FAM151B: variants seen among roughly 807,000 people sequenced by gnomAD.
The protein encoded by FAM151B is family with sequence similarity 151 member B.
A neutral mutation model predicts 31.2 loss-of-function variants in FAM151B; 24 were observed. The ratio of observed to expected loss-of-function variants is 0.77; its 90% CI spans 0.56 to 1.08. FAM151B has a LOEUF of 1.08. Among genes scored for constraint, FAM151B ranks in the 50% least tolerant of loss-of-function variants. The pLI, the probability that FAM151B is intolerant of heterozygous loss-of-function variation, is 0.00. For missense variants in FAM151B, 293 were observed against 328.6 expected (o/e 0.89, Z 0.84); for synonymous variants, 105 against 111.4 (o/e 0.94, Z 0.36).
intron 5 of FAM151B, among the ~76,000 whole-genome samples, chr5:80,540,929 A>T (rs959195312): frequency 2.6e-5 from 4 of 152,112 alleles, no homozygotes; most frequent in African/African-American, 9.7e-5. Context: ...ATGCTTTGGA[A>T]ATTTTCCCTG....
intron 5 of FAM151B, among the ~76,000 whole-genome samples, chr5:80,532,882 T>C (rs1434441944): frequency 3.3e-5 from 5 of 152,144 alleles, no homozygotes; most frequent in Non-Finnish European, 5.9e-5. Flanking sequence ...AATTAAACTA[T>C]ATGCTCCTGA....
intron 4 of FAM151B, among the ~76,000 whole-genome samples, chr5:80,520,686 G>A (rs955165452): frequency 1.4e-5 from 2 of 139,086 alleles, no homozygotes; most frequent in South Asian, 2.3e-4. Context: ...ATATGTGTGT[G>A]TATATATATA....
At chr5:80,491,936 A>G (rs1341025031) in intron 1 of FAM151B, among the ~76,000 whole-genome samples, 1 of 152,202 alleles carries the variant, frequency 6.6e-6, no homozygotes, top group Non-Finnish European at 1.5e-5. Flanking sequence ...AGAACCAGAA[A>G]TTAAATTTTG....
intron 4 of FAM151B, among the ~76,000 whole-genome samples, chr5:80,521,251 A>G (rs1744703049): frequency 6.6e-6 from 1 of 150,496 alleles, no homozygotes; most frequent in South Asian, 2.1e-4. Flanking sequence ...CAGCCTCCAG[A>G]GTAGCTGAGA....
chr5:80,501,465 GAA>G (rs34586243), intron 1 of FAM151B: 2,894 of 85,288 alleles, frequency 0.034, 2 homozygotes, highest in South Asian at 0.095. Context: ...CTCTCAAATT[GAA>G]AAAAAAAAAA....
chr5:80,526,002 G>C (rs1407880505), intron 5 of FAM151B, among the ~76,000 whole-genome samples: 1 of 151,730 alleles, frequency 6.6e-6, no homozygotes, highest in Admixed American at 6.6e-5. Context: ...TATATATGAA[G>C]GCTATAGATT....
chr5:80,515,501 C>T (rs75198420), intron 3 of FAM151B, among the ~76,000 whole-genome samples: 9,484 of 152,120 alleles, frequency 0.062, 327 homozygotes, highest in Middle Eastern at 0.082. Context: ...CTTGATGTCA[C>T]GTGCTCAGTT....
intron 5 of FAM151B, among the ~76,000 whole-genome samples, chr5:80,531,382 A>G (rs573873189): frequency 6.6e-6 from 1 of 152,386 alleles, no homozygotes; most frequent in South Asian, 2.1e-4. Flanking sequence ...CAAAGTTGAC[A>G]AATGAGATCT....
chr5:80,529,212 A>G (rs1161803271), intron 5 of FAM151B, among the ~76,000 whole-genome samples: 1 of 152,240 alleles, frequency 6.6e-6, no homozygotes, highest in Non-Finnish European at 1.5e-5. Flanking sequence ...ACAACATACC[A>G]GAATCTCTGG....
chr5:80,508,427 C>T (rs1266642560), intron 2 of FAM151B, among the ~76,000 whole-genome samples: 1 of 152,030 alleles, frequency 6.6e-6, no homozygotes, highest in Non-Finnish European at 1.5e-5. Context: ...CACATCTTTG[C>T]CAACACTTGT....
At chr5:80,491,622 C>T (rs1270091532) in intron 1 of FAM151B, among the ~76,000 whole-genome samples, 1 of 152,168 alleles carries the variant, frequency 6.6e-6, no homozygotes, top group Admixed American at 6.5e-5. Flanking sequence ...ATCCCCCTCC[C>T]ATCCAATTGC....
At chr5:80,491,451 G>C (rs1271027797) in intron 1 of FAM151B, among the ~76,000 whole-genome samples, 2 of 152,112 alleles carry the variant, frequency 1.3e-5, no homozygotes, top group Non-Finnish European at 2.9e-5. Flanking sequence ...TCGAACTACT[G>C]AGCTTAAGCA....
intron 5 of FAM151B, among the ~76,000 whole-genome samples, chr5:80,537,956 C>A: frequency 6.6e-6 from 1 of 152,022 alleles, no homozygotes; most frequent in East Asian, 1.9e-4. Flanking sequence ...TCTCATCTAC[C>A]CAGTCTTCCT....
chr5:80,518,447 G>A (rs1744562121), intron 3 of FAM151B, among the ~76,000 whole-genome samples: 1 of 152,166 alleles, frequency 6.6e-6, no homozygotes, highest in Non-Finnish European at 1.5e-5. Context: ...GAAGTACAGT[G>A]TTGGATCTCA....
At chr5:80,517,559 G>A (rs1484929207) in intron 3 of FAM151B, among the ~76,000 whole-genome samples, 2 of 45,450 alleles carry the variant, frequency 4.4e-5, no homozygotes, top group African/African-American at 1.0e-4. Flanking sequence ...TTGTTTAACC[G>A]CAGATTTTAA....
Position 80,492,181 on chromosome 5 carries a change from T to A in FAM151B, c.25+4033T>A, listed in dbSNP as rs531762120. On this transcript the variant is annotated intron_variant, in intron 1 of 5. Coordinates refer to ENST00000282226, the MANE Select transcript of FAM151B (RefSeq NM_205548.3). ...GTGCTTTGCAGATAATCCTTTTTTTTTTTCCCACAAATTGAAGGTTTGTAG... is the reference window on the plus strand; with the variant it reads ...GTGCTTTGCAGATAATCCTTTTTTTATTTCCCACAAATTGAAGGTTTGTAG... Among the ~76,000 whole-genome samples the A allele has an allele frequency of 3.3e-4, 50 of 152,290 alleles. No individual in the cohort carries two copies. The South Asian group carries it at 5.0e-3, about 15-fold the overall frequency.
chr5:80,524,467 A>AT (rs985261165), intron 5 of FAM151B, among the ~76,000 whole-genome samples: 10 of 152,112 alleles, frequency 6.6e-5, no homozygotes, highest in Non-Finnish European at 1.2e-4. Context: ...TCTACTCGTT[A>AT]TTTTTTAAAG....
rs150749399 is a variant in FAM151B, at chr5:80,526,648, T to A, written c.671+4510T>A. On this transcript the variant is annotated intron_variant, in intron 5 of 5. Coordinates refer to ENST00000282226, the MANE Select transcript of FAM151B (RefSeq NM_205548.3). ...AAAAATAGTCTTTCAATTGATTTTC[T>A]TGAGTTTTCTAAGCAAAAAAAATTT... Among the ~76,000 whole-genome samples, 1,030 of 152,240 alleles carry A rather than the reference T, an allele frequency of 6.8e-3. 8 individuals are homozygous for A. Among genetic ancestry groups the A allele is most frequent in the African/African-American group, 0.023 (966 of 41,540 alleles).
chr5:80,528,092 G>C (rs1421505295), intron 5 of FAM151B, among the ~76,000 whole-genome samples: 1 of 151,748 alleles, frequency 6.6e-6, no homozygotes, highest in African/African-American at 2.4e-5. Flanking sequence ...ATACTTCCAG[G>C]GATCATATCT....
Sources: allele counts gnomAD v4.1 joint callset (sites outside exome capture counted in the v4.1 genomes callset), GRCh38; gene constraint gnomAD v4.1.1; transcripts MANE v1.5; gene names NCBI Gene and HGNC (gene_info 2026-07-23, HGNC 2026-07-21).